The following MTX2 variants were observed in gnomAD, a reference collection of about 807,000 sequenced individuals.
The protein encoded by MTX2 is metaxin 2.
In MTX2, 35 loss-of-function variants were observed where a neutral mutation model predicts 42.3. That is an observed-to-expected ratio of 0.83 (90% CI 0.63 to 1.10). The LOEUF (loss-of-function observed/expected upper bound fraction) is 1.10. Ranked by LOEUF, MTX2 falls within the 50% of genes least tolerant of loss-of-function variation. The pLI, the probability that MTX2 is intolerant of heterozygous loss-of-function variation, is 0.00. For missense variants in MTX2, 307 were observed against 304.1 expected, an observed-to-expected ratio of 1.01 and a Z score of -0.07; for synonymous variants, 119 against 100.9, an observed-to-expected ratio of 1.18 and a Z score of -1.08.
Position 176,285,567 on chromosome 2 carries a change from C to CG in MTX2, c.41-11293_41-11292insG, listed in dbSNP as rs1693179846. Among the ~76,000 whole-genome samples the CG allele has an allele frequency of 2.0e-5, 3 of 151,838 alleles. No individual in the cohort carries two copies. In the South Asian group the frequency reaches 6.3e-4, roughly 32 times the overall value. On this transcript the variant is annotated intron_variant, in intron 1 of 9. Coordinates refer to ENST00000249442, the MANE Select transcript of MTX2 (RefSeq NM_006554.5). ...AGCCTGAGTCAACCACTGGTCTACT[C>CG]TGTTTCTGTAGATTTGCCTCATCTG...
intron 1 of MTX2, among the ~76,000 whole-genome samples, chr2:176,290,681 A>G (rs1283322615): frequency 7.3e-5 from 11 of 151,712 alleles, no homozygotes; most frequent in African/African-American, 2.7e-4. Flanking sequence ...TGATACCTAC[A>G]TGGTTGATTT....
At chr2:176,273,892 T>C (rs2105391897) in intron 1 of MTX2, among the ~76,000 whole-genome samples, 1 of 150,716 alleles carries the variant, frequency 6.6e-6, no homozygotes, top group South Asian at 2.1e-4. Context: ...TTTGTTTGTT[T>C]TGTTTTATTT....
At chr2:176,304,689 A>G (rs1250932490) in intron 3 of MTX2, among the ~76,000 whole-genome samples, 2 of 152,098 alleles carry the variant, frequency 1.3e-5, no homozygotes, top group Non-Finnish European at 2.9e-5. Flanking sequence ...GAAAAAGGAT[A>G]TGAATTAAAA....
chr2:176,314,799 GCTT>G (rs1225028505), intron 3 of MTX2, among the ~76,000 whole-genome samples: 1 of 152,152 alleles, frequency 6.6e-6, no homozygotes, highest in African/African-American at 2.4e-5. Context: ...TTATGGGACA[GCTT>G]CTTAAAACTT....
At chr2:176,305,436 G>T (rs181019157) in intron 3 of MTX2, among the ~76,000 whole-genome samples, 1 of 151,988 alleles carries the variant, frequency 6.6e-6, no homozygotes, top group Admixed American at 6.6e-5. Context: ...AGGTTATTGG[G>T]TTACAAGAAT....
rs1684614054 is a variant in MTX2 at position 176,322,737 on chromosome 2, G to A, written c.136-655G>A. 3.3e-5 allele frequency among the ~76,000 whole-genome samples: 5 copies of A among 151,830 alleles called. No individual in the cohort carries two copies. In the South Asian group the frequency reaches 1.0e-3, roughly 31 times the overall value. ...TTCTTGATGTAAAATTTTTTCTAAA[G>A]CATGAGTTTTAAAATTGATTGTGTA... On this transcript the variant is annotated intron_variant, in intron 3 of 9. Transcript: ENST00000249442.
chr2:176,304,077 A>G (rs1041428950), intron 3 of MTX2, among the ~76,000 whole-genome samples: 6 of 152,052 alleles, frequency 3.9e-5, no homozygotes, highest in African/African-American at 1.4e-4. Context: ...TACAATATCA[A>G]CATAATCAAT....
chr2:176,269,743 C>A, intron 1 of MTX2, 74 bp downstream of exon 1: 1 of 1,482,564 alleles, frequency 6.7e-7, no homozygotes, highest in Non-Finnish European at 9.0e-7. Context: ...AGGGCTGGAG[C>A]TTTCCTCCAG....
At chr2:176,337,026 G>A (rs187797460) in intron 9 of MTX2, among the ~76,000 whole-genome samples, 1 of 152,158 alleles carries the variant, frequency 6.6e-6, no homozygotes, top group Admixed American at 6.5e-5. Context: ...TGTAATCTAT[G>A]TACATCCGTA....
At chr2:176,307,543 T>G (rs1003062787) in intron 3 of MTX2, among the ~76,000 whole-genome samples, 1 of 152,230 alleles carries the variant, frequency 6.6e-6, no homozygotes, top group Non-Finnish European at 1.5e-5. Flanking sequence ...GAGCATGGAA[T>G]GTTCTTCCAT....
chr2:176,335,540 G>A (rs1684967979), intron 9 of MTX2, among the ~76,000 whole-genome samples: 1 of 152,004 alleles, frequency 6.6e-6, no homozygotes, highest in African/African-American at 2.4e-5. Context: ...CAGTGGTCTA[G>A]GTGACAGATG....
In MTX2 at chr2:176,269,649, C is replaced by G; in HGVS notation, c.20C>G (p.Ala7Gly). MSLVAE[A>G]FVSQIAAAEP... ...GCCGACATGTCTCTAGTGGCGGAAG[C>G]CTTCGTCTCCCAGATTGCAGGTAGC... The change falls in exon 1 of 10, where the codon GCC becomes GGC. Residue 7 changes from alanine (A) to glycine (G), a missense_variant. Ala to Gly is a moderately conservative substitution (Grantham distance 60, BLOSUM62 0). Coordinates refer to ENST00000249442, the MANE Select transcript of MTX2 (RefSeq NM_006554.5). The G allele has an allele frequency of 6.3e-7, 1 of 1,597,298 alleles. No individual in the cohort carries two copies. The highest frequency in any genetic ancestry group is 8.5e-7 in the Non-Finnish European group (1 of 1,174,768).
At chr2:176,295,630 C>G (rs1412836613) in intron 1 of MTX2, among the ~76,000 whole-genome samples, 1 of 152,020 alleles carries the variant, frequency 6.6e-6, no homozygotes, top group Non-Finnish European at 1.5e-5. Context: ...TTGTGTAGCC[C>G]AAACCAAACT....
intron 1 of MTX2, among the ~76,000 whole-genome samples, chr2:176,286,665 T>G (rs1457785576): frequency 6.6e-6 from 1 of 151,828 alleles, no homozygotes; most frequent in Non-Finnish European, 1.5e-5. Flanking sequence ...TTCTCCTGCC[T>G]CAGCCTCCCA....
intron 3 of MTX2, among the ~76,000 whole-genome samples, chr2:176,313,481 C>T (rs1028091749): frequency 9.2e-4 from 135 of 146,230 alleles, no homozygotes; most frequent in African/African-American, 3.2e-3. Flanking sequence ...CAACTTCCAT[C>T]TCCCAGGCTC....
chr2:176,331,629 G>T (rs55716386), intron 9 of MTX2, among the ~76,000 whole-genome samples: 3,660 of 151,040 alleles, frequency 0.024, 133 homozygotes, highest in African/African-American at 0.084. Flanking sequence ...TAAAATCTGG[G>T]TTCTGTTGAT....
At chr2:176,288,458 G>A (rs1693256539) in intron 1 of MTX2, among the ~76,000 whole-genome samples, 2 of 151,858 alleles carry the variant, frequency 1.3e-5, no homozygotes, top group Admixed American at 1.3e-4. Flanking sequence ...TGAACATTTT[G>A]TTATATTAGC....
At chr2:176,301,553 A>C (rs921184341) in intron 3 of MTX2, among the ~76,000 whole-genome samples, 7 of 152,136 alleles carry the variant, frequency 4.6e-5, no homozygotes, top group Non-Finnish European at 7.4e-5. Flanking sequence ...TAGGAAGGTA[A>C]GGCAGAGAGG....
In MTX2 at chr2:176,271,878, C is replaced by G. The variant is rs562475412; in HGVS notation, c.40+2209C>G. Among the ~76,000 whole-genome samples the G allele has an allele frequency of 5.3e-5, 8 of 152,182 alleles. 1 individual carries two copies. Among genetic ancestry groups the G allele is most frequent in the African/African-American group, 1.9e-4 (8 of 41,532 alleles). On this transcript the variant is annotated intron_variant, in intron 1 of 9. Coordinates refer to ENST00000249442, the MANE Select transcript of MTX2 (RefSeq NM_006554.5). The stretch of plus-strand genomic sequence containing the variant: ...AAATATATGTCAAATTATTGTACAC[C>G]AATCCACCAATTCCACTTCTGGGCA...
Sources: allele counts gnomAD v4.1 joint callset (sites outside exome capture counted in the v4.1 genomes callset), GRCh38; gene constraint gnomAD v4.1.1; transcripts MANE v1.5; gene names NCBI Gene and HGNC (gene_info 2026-07-23, HGNC 2026-07-21).